Variants in KIAA0825 observed in about 807,000 individuals in gnomAD.
KIAA0825 encodes uncharacterized protein KIAA0825.
In KIAA0825, 119 loss-of-function variants were observed where a neutral mutation model predicts 147.6. The ratio of observed to expected loss-of-function variants is 0.81; its 90% CI spans 0.69 to 0.94. KIAA0825 has a LOEUF of 0.94. Among genes scored for constraint, KIAA0825 ranks in the 40% least tolerant of loss-of-function variants. The pLI is 0.00. For missense variants in KIAA0825, 1,381 were observed against 1,472.7 expected (o/e 0.94, Z 1.02); for synonymous variants, 470 against 518.1 (o/e 0.91, Z 1.26).
chr5:94,291,961 T>C lies in KIAA0825; in HGVS notation c.3710+92407A>G, dbSNP rs543850807. 2.6e-5 allele frequency among the ~76,000 whole-genome samples: 4 copies of C among 152,332 alleles called. No individual in the cohort carries two copies. The East Asian group carries it at 7.7e-4, about 29-fold the overall frequency. On this transcript the variant is annotated intron_variant, in intron 20 of 20. Transcript: ENST00000682413. ...GCTTGTGATTTTCGCACATTGATTT[T>C]GTATCCTGAAACTGTGCTGAAGTTG... is the stretch of plus-strand genomic sequence containing the variant.
chr5:94,289,628 G>C lies in KIAA0825; in HGVS notation c.3710+94740C>G, dbSNP rs188078259. ...CATTGTTCTAAAGAAAAGAAGAATG[G>C]CTGTTTTTTGAAATTTGGTTGAGGT... On this transcript the variant is annotated intron_variant, in intron 20 of 20. Transcript: ENST00000682413. Among the ~76,000 whole-genome samples the C allele has an allele frequency of 4.1e-3, 629 of 151,990 alleles. 2 individuals carry two copies. The highest frequency in any genetic ancestry group is 0.014 in the African/African-American group (596 of 41,472).
At chr5:94,522,472 T>A (rs1416556310) in intron 4 of KIAA0825, among the ~76,000 whole-genome samples, 2 of 151,732 alleles carry the variant, frequency 1.3e-5, no homozygotes, top group African/African-American at 4.8e-5. Context: ...AAACAAAGAA[T>A]AATAGATTAC....
chr5:94,453,621 T>C (rs1176038366), intron 12 of KIAA0825, among the ~76,000 whole-genome samples: 5 of 152,086 alleles, frequency 3.3e-5, no homozygotes, highest in Non-Finnish European at 7.4e-5. Flanking sequence ...AAACCACAAG[T>C]TGAGATTTAG....
At chr5:94,415,320 ATCTATTAGT>A (rs1159561208) in intron 15 of KIAA0825, 2 of 152,134 alleles carry the variant, frequency 1.3e-5, no homozygotes, top group Non-Finnish European at 2.9e-5. Flanking sequence ...TGAAGCATAG[ATCTATTAGT>A]AATAAAATGT....
intron 13 of KIAA0825, among the ~76,000 whole-genome samples, chr5:94,447,476 TG>T (rs1400733133): frequency 6.6e-6 from 1 of 152,082 alleles, no homozygotes; most frequent in Non-Finnish European, 1.5e-5. Flanking sequence ...GAGTAGACAA[TG>T]GTATCATATA....
At chr5:94,184,917 A>G (rs543980267) in intron 20 of KIAA0825, among the ~76,000 whole-genome samples, 18 of 152,284 alleles carry the variant, frequency 1.2e-4, no homozygotes, top group African/African-American at 3.6e-4. Context: ...CCAGTTATCT[A>G]TTGTATAACA....
chr5:94,520,058 A>C (rs1767871274), intron 5 of KIAA0825, 190 bp downstream of exon 5: 16 of 1,140,088 alleles, frequency 1.4e-5, no homozygotes, highest in Non-Finnish European at 1.8e-5. Context: ...ATTTAATAAG[A>C]AAGAAAATAC....
At chr5:94,468,291 T>C (rs545918546) in intron 10 of KIAA0825, among the ~76,000 whole-genome samples, 4 of 152,306 alleles carry the variant, frequency 2.6e-5, no homozygotes, top group Non-Finnish European at 4.4e-5. Flanking sequence ...GTTGAACATA[T>C]AGTGAGATGA....
chr5:94,595,569 T>C (rs76538161), intron 1 of KIAA0825, among the ~76,000 whole-genome samples: 1,894 of 152,278 alleles, frequency 0.012, 38 homozygotes, highest in African/African-American at 0.043. Context: ...CCTGGAGACA[T>C]TTCCCCATTA....
intron 13 of KIAA0825, among the ~76,000 whole-genome samples, chr5:94,448,739 A>C (rs1302132912): frequency 6.6e-6 from 1 of 152,094 alleles, no homozygotes; most frequent in South Asian, 2.1e-4. Flanking sequence ...GTTTTGAAGG[A>C]TAATTTGGGG....
chr5:94,488,416 A>C (rs1763319371), intron 5 of KIAA0825, among the ~76,000 whole-genome samples: 1 of 152,224 alleles, frequency 6.6e-6, no homozygotes. Context: ...TATGATTCTT[A>C]GGAAATACAC....
intron 20 of KIAA0825, among the ~76,000 whole-genome samples, chr5:94,272,573 A>AAT (rs761040464): frequency 2.6e-5 from 4 of 152,168 alleles, no homozygotes; most frequent in Non-Finnish European, 5.9e-5. Flanking sequence ...TCAAGCAACC[A>AAT]ATGTCCAGAA....
rs192584166 is a variant in KIAA0825 at position 94,492,886 on chromosome 5, A to G, written c.971-7956T>C. 8.3e-4 allele frequency among the ~76,000 whole-genome samples: 126 copies of G among 152,346 alleles called. 1 individual carries two copies. Among genetic ancestry groups the G allele is most frequent in the Non-Finnish European group, 1.5e-3 (104 of 68,034 alleles). On this transcript the variant is annotated intron_variant, in intron 5 of 20. Coordinates refer to ENST00000682413, the MANE Select transcript of KIAA0825 (RefSeq NM_001145678.3). Reference sequence around the variant, plus strand: ...AATTGACTCCATCTCTAAGGTTAACATTCATGAAGTTGAATGGCAGCCCCA... The same window carrying G: ...AATTGACTCCATCTCTAAGGTTAACGTTCATGAAGTTGAATGGCAGCCCCA...
At chr5:94,344,102 T>C (rs773534378) in intron 20 of KIAA0825, among the ~76,000 whole-genome samples, 1 of 152,200 alleles carries the variant, frequency 6.6e-6, no homozygotes, top group Non-Finnish European at 1.5e-5. Flanking sequence ...ATTCTACTTC[T>C]AGGTATATAA....
At chr5:94,221,669 C>T (rs1426061656) in intron 20 of KIAA0825, among the ~76,000 whole-genome samples, 1 of 152,122 alleles carries the variant, frequency 6.6e-6, no homozygotes, top group Non-Finnish European at 1.5e-5. Flanking sequence ...GAACTGATTT[C>T]CTCTGCTGCC....
At chr5:94,491,456 G>T (rs940053216) in intron 5 of KIAA0825, among the ~76,000 whole-genome samples, 1 of 152,146 alleles carries the variant, frequency 6.6e-6, no homozygotes, top group African/African-American at 2.4e-5. Flanking sequence ...GATAGCAGTG[G>T]TCTGAAGAAG....
intron 20 of KIAA0825, among the ~76,000 whole-genome samples, chr5:94,267,904 G>A (rs1776805470): frequency 6.6e-6 from 1 of 152,132 alleles, no homozygotes; most frequent in South Asian, 2.1e-4. Context: ...ATTAGGCAAA[G>A]TAGAAGCAGT....
intron 2 of KIAA0825, chr5:94,570,791 A>C (rs1480301926): frequency 6.6e-6 from 1 of 152,348 alleles, no homozygotes; most frequent in Non-Finnish European, 1.5e-5. Context: ...ACCCAAAGCT[A>C]AGATTCTAAT....
chr5:94,347,224 C>A (rs1783104609), intron 20 of KIAA0825, among the ~76,000 whole-genome samples: 1 of 152,200 alleles, frequency 6.6e-6, no homozygotes, highest in Non-Finnish European at 1.5e-5. Context: ...TCCCTACCCA[C>A]CCTAGTAGCA....
Sources: gnomAD v4.1 joint callset for allele counts (sites outside exome capture counted in the v4.1 genomes callset) on GRCh38, gnomAD v4.1.1 for gene constraint, MANE v1.5 for transcripts, NCBI Gene and HGNC (gene_info 2026-07-23, HGNC 2026-07-21) for gene names.